CAB39L: variants seen among roughly 807,000 people sequenced by gnomAD.
The protein encoded by CAB39L is calcium-binding protein 39-like.
Under a neutral mutation model 39.1 loss-of-function variants are expected in CAB39L, and 23 were observed. The ratio of observed to expected loss-of-function variants is 0.59; its 90% CI spans 0.42 to 0.83. The LOEUF is 0.83. Ranked by LOEUF, CAB39L falls within the 40% of genes least tolerant of loss-of-function variation. The probability of loss-of-function intolerance (pLI) is 0.00; values close to 1 mark genes in which losing one functional copy is unlikely to be tolerated. For missense variants in CAB39L, 366 were observed against 391.9 expected, an observed-to-expected ratio of 0.93 and a Z score of 0.56; for synonymous variants, 126 against 137.2, an observed-to-expected ratio of 0.92 and a Z score of 0.57.
Position 49,309,423 on chromosome 13 carries a change from T to C in CAB39L, c.*1391A>G, listed in dbSNP as rs919559422. On this transcript the variant is annotated 3_prime_UTR_variant, in exon 11 of 11. Coordinates refer to ENST00000409308, the MANE Select transcript of CAB39L (RefSeq NM_001079670.3). ...CTCTTCCCCTCTCTAGGCAGAGAAA[T>C]ACCTGGCTGAAGAAAAACTACACAA... 2 of 152,178 alleles carry C rather than the reference T, an allele frequency of 1.3e-5. No individual in the cohort carries two copies. Among genetic ancestry groups the C allele is most frequent in the African/African-American group, 4.8e-5 (2 of 41,434 alleles). The allele number at this position is 152,178 out of a possible 1,614,324, so 9.4% of individuals were successfully genotyped here.
intron 8 of CAB39L, 65 bp downstream of exon 8, chr13:49,344,114 G>T: frequency 1.1e-6 from 1 of 932,676 alleles, no homozygotes; most frequent in Non-Finnish European, 1.8e-6. Flanking sequence ...AGGGGCAATT[G>T]CTCATAGATC....
rs370654318 is a variant in CAB39L at position 49,382,880 on chromosome 13, G to T, written c.31C>A (p.His11Asn). 1.9e-5 allele frequency: 30 copies of T among 1,610,886 alleles called. No homozygotes were observed. The African/African-American group carries it at 2.5e-4, about 14-fold the overall frequency. The change falls in exon 4 of 11, where the codon CAC becomes AAC. Residue 11 changes from histidine (H) to asparagine (N), a missense_variant. Transcript: ENST00000409308. MKKMPLFSKS[H>N]KNPAEIVKIL... ...TTCACAATTTCTGCTGGATTTTTGT[G>T]TGATTTACTAAACAAAGGCATTTTT... is the stretch of plus-strand genomic sequence containing the variant.
chr13:49,346,097 C>CTATATATATATATATATATA (rs1955153735), intron 7 of CAB39L, among the ~76,000 whole-genome samples: 2 of 8,678 alleles, frequency 2.3e-4, no homozygotes, highest in South Asian at 4.5e-3. Flanking sequence ...TATATATATG[C>CTATATATATATATATATATA]TAGATATATA....
rs1326371501 is a variant in CAB39L at position 49,439,547 on chromosome 13, A to G, written c.-246+4439T>C. Among the ~76,000 whole-genome samples, 3 of 152,216 alleles carry G rather than the reference A, an allele frequency of 2.0e-5. No individual in the cohort carries two copies. The East Asian group carries it at 5.8e-4, about 29-fold the overall frequency. On this transcript the variant is annotated intron_variant, in intron 1 of 10. Transcript: ENST00000409308. ...CTTTGCTATTGTGACTAGCACTATG[A>G]TGAACATATGAGTGCATGTATCTTT...
intron 6 of CAB39L, among the ~76,000 whole-genome samples, chr13:49,352,041 A>G (rs1180317996): frequency 3.3e-5 from 5 of 152,168 alleles, no homozygotes; most frequent in Non-Finnish European, 5.9e-5. Flanking sequence ...GGACTTTAGG[A>G]AAAAGATAGG....
In CAB39L at chr13:49,419,000, A is replaced by G. The variant is rs536168135; in HGVS notation, c.-32+14318T>C. ...GTTTTGTTTTTTGAGATGGAGTCTC[A>G]CTCTGTTGCCCATGCTGGGTGCAGT... On this transcript the variant is annotated intron_variant, in intron 3 of 10. Transcript: ENST00000409308. Among the ~76,000 whole-genome samples, 5 of 151,908 alleles carry G rather than the reference A, an allele frequency of 3.3e-5. No individual in the cohort carries two copies. The South Asian group carries it at 1.0e-3, about 32-fold the overall frequency.
At chr13:49,365,790 C>A (rs962478732) in intron 5 of CAB39L, among the ~76,000 whole-genome samples, 1 of 152,102 alleles carries the variant, frequency 6.6e-6, no homozygotes, top group African/African-American at 2.4e-5. Flanking sequence ...CAATCCTACT[C>A]TTAGGTATAT....
chr13:49,335,667 A>G (rs780879917), intron 9 of CAB39L, among the ~76,000 whole-genome samples: 1 of 152,220 alleles, frequency 6.6e-6, no homozygotes, highest in Non-Finnish European at 1.5e-5. Context: ...AATTGACCAG[A>G]GCCCAAAAAA....
chr13:49,438,497 C>CA (rs1345640168), intron 1 of CAB39L, among the ~76,000 whole-genome samples: 5 of 152,150 alleles, frequency 3.3e-5, no homozygotes, highest in Non-Finnish European at 5.9e-5. Flanking sequence ...TTCATGGGAA[C>CA]AATTATAGCC....
At chr13:49,434,282 T>C (rs77888154) in intron 1 of CAB39L, 59 bp from the exon 2 acceptor site, 9,787 of 406,492 alleles carry the variant, frequency 0.024, 207 homozygotes, top group South Asian at 0.052. Flanking sequence ...TGGTTTTAAA[T>C]CTCAATCTTC....
intron 5 of CAB39L, among the ~76,000 whole-genome samples, chr13:49,368,071 TAG>T (rs1955817447): frequency 6.6e-6 from 1 of 152,254 alleles, no homozygotes; most frequent in Non-Finnish European, 1.5e-5. Flanking sequence ...CAAACCTTTC[TAG>T]ACCCTGCAGT....
chr13:49,374,135 C>A (rs1419983694), intron 5 of CAB39L, among the ~76,000 whole-genome samples: 1 of 152,086 alleles, frequency 6.6e-6, no homozygotes, highest in East Asian at 1.9e-4. Flanking sequence ...AGAAGGATAA[C>A]GGCTGCATCT....
intron 1 of CAB39L, among the ~76,000 whole-genome samples, chr13:49,441,987 C>A (rs1277615923): frequency 1.3e-5 from 2 of 152,142 alleles, no homozygotes; most frequent in Non-Finnish European, 2.9e-5. Context: ...TGCAGTCTCA[C>A]CAGCAAGACT....
At chr13:49,429,873 G>A (rs1957294041) in intron 3 of CAB39L, among the ~76,000 whole-genome samples, 1 of 151,998 alleles carries the variant, frequency 6.6e-6, no homozygotes, top group Admixed American at 6.6e-5. Flanking sequence ...ATTTACTATA[G>A]TCTTGAGATT....
chr13:49,337,732 G>GCGCGCA (rs917662958), intron 9 of CAB39L, among the ~76,000 whole-genome samples: 3 of 144,212 alleles, frequency 2.1e-5, no homozygotes, highest in Admixed American at 7.0e-5. Context: ...CTGCTCTGGC[G>GCGCGCA]CACACACACA....
chr13:49,421,634 G>A (rs1957172823), intron 3 of CAB39L, among the ~76,000 whole-genome samples: 1 of 152,054 alleles, frequency 6.6e-6, no homozygotes, highest in Admixed American at 6.6e-5. Context: ...CCCTCCACAT[G>A]GTGTCAGTGG....
intron 1 of CAB39L, among the ~76,000 whole-genome samples, chr13:49,439,982 C>A (rs1390427982): frequency 8.9e-6 from 1 of 112,398 alleles, no homozygotes; most frequent in Non-Finnish European, 1.7e-5. Flanking sequence ...GGATATTAGA[C>A]CTTTGTCAGA....
chr13:49,337,170 T>C (rs1044224223), intron 9 of CAB39L, among the ~76,000 whole-genome samples: 5 of 152,236 alleles, frequency 3.3e-5, no homozygotes, highest in African/African-American at 7.2e-5. Context: ...TTTAAAATTA[T>C]ACTCCAAATT....
intron 3 of CAB39L, among the ~76,000 whole-genome samples, chr13:49,386,056 T>C (rs4942824): frequency 0.2 from 30,654 of 151,986 alleles, 3,326 homozygotes; most frequent in African/African-American, 0.25. Context: ...TAAAATACGG[T>C]ATGCCTGTAA....
Sources: allele counts gnomAD v4.1 joint callset (sites outside exome capture counted in the v4.1 genomes callset), GRCh38; gene constraint gnomAD v4.1.1; transcripts MANE v1.5; gene names NCBI Gene and HGNC (gene_info 2026-07-23, HGNC 2026-07-21).